Variants in RPH3AL observed in about 807,000 individuals in gnomAD.
RPH3AL encodes rabphilin 3A like (without C2 domains).
Under a neutral mutation model 43.1 loss-of-function variants are expected in RPH3AL, and 38 were observed. That is an observed-to-expected ratio of 0.88 (90% CI 0.68 to 1.15). RPH3AL has a LOEUF of 1.15. RPH3AL is among the 50% of genes most tolerant of loss of function. The pLI, the probability that RPH3AL is intolerant of heterozygous loss-of-function variation, is 0.00. For missense variants in RPH3AL, 462 were observed against 423.2 expected (o/e 1.09, Z -0.81); for synonymous variants, 189 against 176.3 (o/e 1.07, Z -0.57).
intron 7 of RPH3AL, among the ~76,000 whole-genome samples, chr17:241,189 G>A (rs907627161): frequency 2.6e-5 from 4 of 152,082 alleles, no homozygotes; most frequent in African/African-American, 9.7e-5. Context: ...AGGACTTTGA[G>A]ACCAGCCTGG....
chr17:267,578 A>C (rs1200135527), intron 6 of RPH3AL, among the ~76,000 whole-genome samples: 1 of 152,218 alleles, frequency 6.6e-6, no homozygotes, highest in Non-Finnish European at 1.5e-5. Flanking sequence ...CCCAATCGGC[A>C]GGGCTCGAGG....
intron 6 of RPH3AL, among the ~76,000 whole-genome samples, chr17:265,764 G>A (rs1158070711): frequency 6.6e-6 from 1 of 152,252 alleles, no homozygotes; most frequent in Non-Finnish European, 1.5e-5. Context: ...CTCGTGTACA[G>A]TTCTAAGATT....
rs566987974 is a variant in RPH3AL at position 343,191 on chromosome 17, G to A, written c.-212-9257C>T. Among the ~76,000 whole-genome samples, 8 of 152,246 alleles carry A rather than the reference G, an allele frequency of 5.3e-5. No individual in the cohort carries two copies. The South Asian group carries it at 6.2e-4, about 12-fold the overall frequency. ...CTGCTCCCCACAGGTGTCCACAGGC[G>A]ACACACCAGGTGACATGGCTGCCTC... On this transcript the variant is annotated intron_variant, in intron 1 of 9. Transcript: ENST00000331302.
intron 6 of RPH3AL, among the ~76,000 whole-genome samples, chr17:272,969 AG>A (rs2042524502): frequency 1.9e-5 from 2 of 105,412 alleles, no homozygotes; most frequent in African/African-American, 5.6e-5. Flanking sequence ...CGTCAGGGTG[AG>A]ACCCCAGCAA....
chr17:296,665 G>A (rs1226409597), intron 5 of RPH3AL, among the ~76,000 whole-genome samples: 1 of 152,246 alleles, frequency 6.6e-6, no homozygotes, highest in Non-Finnish European at 1.5e-5. Context: ...GAGGGGCTGT[G>A]GGGGCAGTCA....
chr17:242,300 T>C (rs62056564), intron 7 of RPH3AL, among the ~76,000 whole-genome samples: 11,742 of 43,466 alleles, frequency 0.27, 1,047 homozygotes, highest in Middle Eastern at 0.38. Flanking sequence ...CCTCTATTGA[T>C]TACCTTCCTC....
chr17:247,670 C>G, intron 6 of RPH3AL: 1 of 200,084 alleles, frequency 5.0e-6, no homozygotes, highest in Non-Finnish European at 1.0e-5. Flanking sequence ...CCCATGTCCT[C>G]CTGCTTCTCT....
At chr17:258,294 G>A (rs782338375) in intron 6 of RPH3AL, among the ~76,000 whole-genome samples, 3 of 152,302 alleles carry the variant, frequency 2.0e-5, no homozygotes, top group East Asian at 1.9e-4. Context: ...CTCACACATC[G>A]TAGGTGTTCA....
chr17:316,599 CT>C (rs2044215247), intron 5 of RPH3AL, among the ~76,000 whole-genome samples: 6 of 112,870 alleles, frequency 5.3e-5, no homozygotes, highest in African/African-American at 1.1e-4. Flanking sequence ...AGTCCCTGTG[CT>C]CCACTTCCAT....
chr17:266,872 G>C (rs574439667), intron 6 of RPH3AL, among the ~76,000 whole-genome samples: 3 of 152,358 alleles, frequency 2.0e-5, no homozygotes, highest in African/African-American at 7.2e-5. Flanking sequence ...AGGAGCATTT[G>C]CCAGTCGCAG....
At chr17:308,854 G>C (rs2043564994) in intron 5 of RPH3AL, among the ~76,000 whole-genome samples, 1 of 152,206 alleles carries the variant, frequency 6.6e-6, no homozygotes, top group Admixed American at 6.5e-5. Context: ...GCAGCTCTCT[G>C]TAAACTGGAT....
At chr17:262,172 G>C (rs374585144) in intron 6 of RPH3AL, among the ~76,000 whole-genome samples, 1 of 152,102 alleles carries the variant, frequency 6.6e-6, no homozygotes, top group Non-Finnish European at 1.5e-5. Flanking sequence ...GGTCAAGGTC[G>C]TTATAAAAAT....
chr17:263,088 A>G (rs1555546841), intron 6 of RPH3AL, among the ~76,000 whole-genome samples: 1 of 152,200 alleles, frequency 6.6e-6, no homozygotes, highest in African/African-American at 2.4e-5. Flanking sequence ...GCATGGAAGA[A>G]TTCATTATAG....
At chr17:231,424 C>T (rs896603153) in intron 7 of RPH3AL, among the ~76,000 whole-genome samples, 2 of 152,242 alleles carry the variant, frequency 1.3e-5, no homozygotes, top group Admixed American at 6.5e-5. Context: ...ACTTCTGGAC[C>T]ACCAGCGGGA....
At chr17:324,114 CGAG>C (rs2044553063) in intron 3 of RPH3AL, among the ~76,000 whole-genome samples, 1 of 152,202 alleles carries the variant, frequency 6.6e-6, no homozygotes. Flanking sequence ...TCAGAGGAAA[CGAG>C]GTGCGGAACG....
chr17:310,722 C>T (rs951633512), intron 5 of RPH3AL, among the ~76,000 whole-genome samples: 5 of 152,214 alleles, frequency 3.3e-5, no homozygotes, highest in African/African-American at 4.8e-5. Flanking sequence ...CGCCTCCCTC[C>T]GGAGCACTGG....
intron 8 of RPH3AL, among the ~76,000 whole-genome samples, chr17:219,192 C>T (rs1267261474): frequency 2.4e-4 from 14 of 57,998 alleles, no homozygotes; most frequent in South Asian, 9.4e-4. Context: ...ATAAACAGCA[C>T]TTTTTTTTTT....
chr17:266,013 G>A (rs1471968117), intron 6 of RPH3AL, among the ~76,000 whole-genome samples: 1 of 152,232 alleles, frequency 6.6e-6, no homozygotes, highest in African/African-American at 2.4e-5. Flanking sequence ...AGCCACACCA[G>A]GGCAGCTGGG....
intron 5 of RPH3AL, among the ~76,000 whole-genome samples, chr17:314,394 C>T (rs1028787240): frequency 1.4e-5 from 2 of 141,344 alleles, no homozygotes; most frequent in Non-Finnish European, 3.0e-5. Flanking sequence ...TTGGCCATTC[C>T]CAAGTCTCTG....
Sources: allele counts gnomAD v4.1 joint callset (sites outside exome capture counted in the v4.1 genomes callset), GRCh38; gene constraint gnomAD v4.1.1; transcripts MANE v1.5; gene names NCBI Gene and HGNC (gene_info 2026-07-23, HGNC 2026-07-21).